MOV10L1: variants seen among roughly 807,000 people sequenced by gnomAD.
MOV10L1 encodes the protein Mov10 like RNA helicase 1, also known as RNA helicase Mov10l1.
A neutral mutation model predicts 143.8 loss-of-function variants in MOV10L1; 110 were observed. The ratio of observed to expected loss-of-function variants is 0.76; its 90% CI spans 0.66 to 0.90. The LOEUF (loss-of-function observed/expected upper bound fraction) is 0.90, where lower values mean the gene tolerates loss of function less well. MOV10L1 is among the 40% of genes least tolerant of loss of function. MOV10L1 has a pLI of 0.00. For missense variants in MOV10L1, 1,406 were observed against 1,526.8 expected (o/e 0.92, Z 1.32); for synonymous variants, 593 against 581.1 (o/e 1.02, Z -0.29).
chr22:50,122,566 A>G (rs1030625680), intron 10 of MOV10L1, among the ~76,000 whole-genome samples: 2 of 152,156 alleles, frequency 1.3e-5, no homozygotes, highest in African/African-American at 2.4e-5. Flanking sequence ...TGCTCTGGCT[A>G]GAACTTCTAG....
At chr22:50,104,463 G>T (rs554412134) in intron 3 of MOV10L1, among the ~76,000 whole-genome samples, 5 of 152,320 alleles carry the variant, frequency 3.3e-5, no homozygotes, top group Admixed American at 2.6e-4. Flanking sequence ...TTCCCATGAG[G>T]CCACGGCCCC....
At chr22:50,148,385 G>C (rs894306659) in intron 19 of MOV10L1, among the ~76,000 whole-genome samples, 1 of 152,174 alleles carries the variant, frequency 6.6e-6, no homozygotes, top group East Asian at 1.9e-4. Flanking sequence ...ATCATGTGCC[G>C]AGCGAGCTCC....
In MOV10L1 at chr22:50,128,521, T is replaced by G. The variant is rs181017574; in HGVS notation, c.1910+14T>G. ...TACATATAATAGGTAATGCTTTTAGTGAGTCTTCTTTCAAATGTCTTTTTT... is the reference window on the plus strand; with the variant it reads ...TACATATAATAGGTAATGCTTTTAGGGAGTCTTCTTTCAAATGTCTTTTTT... On this transcript the variant is annotated intron_variant, in intron 13 of 26. Coordinates refer to ENST00000262794, the MANE Select transcript of MOV10L1 (RefSeq NM_018995.3). 23 of 1,258,398 alleles carry G rather than the reference T, an allele frequency of 1.8e-5. No homozygotes were observed. The Admixed American group carries it at 3.5e-4, about 19-fold the overall frequency. 78.0% of individuals were successfully genotyped at this position (1,258,398 alleles called of 1,614,324 possible).
chr22:50,090,161 C>G lies in MOV10L1; in HGVS notation c.73C>G (p.Gln25Glu). ...TADTPREEAG[Q>E]LEPELAEGDT... Reference sequence around the variant, plus strand: ...GGACACCCCTAGGGAGGAAGCCGGGCAGCTGGAGCCCGAGCTCGCGGAAGG... The same window carrying G: ...GGACACCCCTAGGGAGGAAGCCGGGGAGCTGGAGCCCGAGCTCGCGGAAGG... Residue 25 changes from glutamine (Q) to glutamate (E), a missense_variant, in exon 1 of 27, where the codon CAG becomes GAG. Coordinates refer to ENST00000262794, the MANE Select transcript of MOV10L1 (RefSeq NM_018995.3). 7.0e-7 allele frequency: 1 copy of G among 1,420,062 alleles called. No homozygotes were observed. The highest frequency in any genetic ancestry group is 9.2e-7 in the Non-Finnish European group (1 of 1,088,758). 88.0% of individuals were successfully genotyped at this position (1,420,062 alleles called of 1,614,324 possible).
intron 6 of MOV10L1, 82 bp downstream of exon 6, chr22:50,113,870 C>A: frequency 5.7e-5 from 61 of 1,066,784 alleles, no homozygotes; most frequent in Non-Finnish European, 7.1e-5. Context: ...GTAAAACCAA[C>A]TTTACTTTGG....
chr22:50,114,661 G>A (rs370909151), intron 7 of MOV10L1, 39 bp downstream of exon 7: 17 of 1,606,204 alleles, frequency 1.1e-5, no homozygotes, highest in Admixed American at 8.4e-5. Context: ...GAGGTCGGGT[G>A]GGCTGGGGGC....
At chr22:50,092,292 T>C (rs1468319433) in intron 2 of MOV10L1, 107 bp downstream of exon 2, 3 of 986,764 alleles carry the variant, frequency 3.0e-6, no homozygotes, top group African/African-American at 3.3e-5. Flanking sequence ...GGAGAAAGAG[T>C]GGAATGTACC....
intron 5 of MOV10L1, among the ~76,000 whole-genome samples, chr22:50,109,282 C>A (rs567425641): frequency 1.3e-5 from 2 of 152,126 alleles, no homozygotes; most frequent in Admixed American, 6.6e-5. Context: ...CCTAGCACTT[C>A]AGGAGGCCGT....
intron 12 of MOV10L1, among the ~76,000 whole-genome samples, chr22:50,128,001 C>T (rs2062560966): frequency 6.6e-6 from 1 of 152,114 alleles, no homozygotes; most frequent in Non-Finnish European, 1.5e-5. Context: ...AAACTCCTGA[C>T]CTCAAGGTGA....
chr22:50,115,997 A>G lies in MOV10L1; in HGVS notation c.1259+751A>G, dbSNP rs139423045. ...GTGGTTGGTTACATCAGCTGACCAA[A>G]CAGGCCCTGTCCTCCAGCTCCCTGT... On this transcript the variant is annotated intron_variant, in intron 8 of 26. Coordinates refer to ENST00000262794, the MANE Select transcript of MOV10L1 (RefSeq NM_018995.3). 4.8e-3 allele frequency among the ~76,000 whole-genome samples: 732 copies of G among 152,232 alleles called. 7 individuals carry two copies. Among genetic ancestry groups the G allele is most frequent in the South Asian group, 0.033 (160 of 4,826 alleles).
At chr22:50,147,109 C>G in intron 19 of MOV10L1, 1 of 1,578,374 alleles carries the variant, frequency 6.3e-7, no homozygotes, top group Non-Finnish European at 8.6e-7. Flanking sequence ...GGGGGCAGAG[C>G]GGGCACTGCA....
Position 50,144,037 on chromosome 22 carries a change from C to G in MOV10L1, c.2359-60C>G. The stretch of plus-strand genomic sequence containing the variant: ...GAATGTGTGTGTTGAGGTTAGACTC[C>G]TGGTTTCCACCTTGCGGTGTGGATG... On this transcript the variant is annotated intron_variant, in intron 17 of 26. Coordinates refer to ENST00000262794, the MANE Select transcript of MOV10L1 (RefSeq NM_018995.3). The G allele has an allele frequency of 2.5e-6, 4 of 1,572,746 alleles. No individual in the cohort carries two copies. The South Asian group carries it at 4.5e-5, about 18-fold the overall frequency.
At chr22:50,154,459 T>C (rs1350079157) in intron 22 of MOV10L1, among the ~76,000 whole-genome samples, 3 of 151,996 alleles carry the variant, frequency 2.0e-5, no homozygotes, top group Non-Finnish European at 4.4e-5. Context: ...TCCCGGCTAC[T>C]TGGGAGGCTG....
At chr22:50,150,506 G>GGGCAGATGGCAGGACTTCGGGGA (rs929396267) in intron 20 of MOV10L1, among the ~76,000 whole-genome samples, 93 of 152,208 alleles carry the variant, frequency 6.1e-4, no homozygotes, top group Non-Finnish European at 1.2e-3. Context: ...TGCAGAAGCC[G>GGGCAGATGGCAGGACTTCGGGGA]GGCAGATGGC....
At chr22:50,111,328 A>G (rs2062015822) in intron 5 of MOV10L1, among the ~76,000 whole-genome samples, 1 of 152,070 alleles carries the variant, frequency 6.6e-6, no homozygotes, top group African/African-American at 2.4e-5. Flanking sequence ...TGGTTGTGTA[A>G]ATCAGCACTT....
chr22:50,161,124 G>C, intron 26 of MOV10L1, 69 bp downstream of exon 26: 1 of 1,472,866 alleles, frequency 6.8e-7, no homozygotes, highest in Non-Finnish European at 9.4e-7. Flanking sequence ...GCCCTCCCCT[G>C]CTCCCCTCAC....
intron 21 of MOV10L1, among the ~76,000 whole-genome samples, chr22:50,151,714 T>C (rs1045121572): frequency 6.6e-5 from 10 of 152,240 alleles, no homozygotes; most frequent in African/African-American, 2.4e-4. Flanking sequence ...GCTGTGCGCC[T>C]GTACCCGCTA....
At chr22:50,118,364 A>T (rs1018864131) in intron 9 of MOV10L1, among the ~76,000 whole-genome samples, 1 of 152,158 alleles carries the variant, frequency 6.6e-6, no homozygotes, top group African/African-American at 2.4e-5. Flanking sequence ...TCAGACATGT[A>T]AAATGTGCAG....
At chr22:50,109,401 G>A (rs2147112664) in intron 5 of MOV10L1, among the ~76,000 whole-genome samples, 1 of 152,158 alleles carries the variant, frequency 6.6e-6, no homozygotes, top group Admixed American at 6.5e-5. Context: ...CGGGCACGGT[G>A]GCTCACGCCT....
Sources: allele counts gnomAD v4.1 joint callset (sites outside exome capture counted in the v4.1 genomes callset), GRCh38; gene constraint gnomAD v4.1.1; transcripts MANE v1.5; gene names NCBI Gene and HGNC (gene_info 2026-07-23, HGNC 2026-07-21).